The following SLC38A2 variants were observed in gnomAD, a reference collection of about 807,000 sequenced individuals.
SLC38A2 encodes solute carrier family 38 member 2, also known as sodium-coupled neutral amino acid symporter 2.
Under a neutral mutation model 61.5 loss-of-function variants are expected in SLC38A2, and 11 were observed. The ratio of observed to expected loss-of-function variants is 0.18; its 90% CI spans 0.11 to 0.30. SLC38A2 has a LOEUF of 0.30. SLC38A2 is among the 10% of genes least tolerant of loss of function. The pLI is 1.00. For synonymous variants in SLC38A2, 217 were observed against 212.5 expected (o/e 1.02, Z -0.18); for missense variants, 522 against 600.4 (o/e 0.87, Z 1.36).
intron 4 of SLC38A2, among the ~76,000 whole-genome samples, chr12:46,367,842 G>A (rs1392990061): frequency 6.6e-6 from 1 of 152,150 alleles, no homozygotes; most frequent in African/African-American, 2.4e-5. Context: ...CACAAAAACA[G>A]GAATGACAGG....
In SLC38A2 at chr12:46,370,621, C is replaced by G; in HGVS notation, c.205G>C (p.Gly69Arg). 6.2e-7 allele frequency: 1 copy of G among 1,611,584 alleles called. No homozygotes were observed. The highest frequency in any genetic ancestry group is 8.5e-7 in the Non-Finnish European group (1 of 1,177,684). Residue 69 changes from glycine (G) to arginine (R), a missense_variant, in exon 4 of 16, where the codon GGT (glycine) becomes CGT (arginine). Physicochemically the swap from Gly to Arg is moderately radical, Grantham distance 125. Around this residue, in one of 3 missense-constraint regions of SLC38A2, gnomAD observed 102 missense variants for 83.1 expected, o/e 1.23. Transcript: ENST00000256689. The part of the protein sequence containing the change: ...KKKYETEFHP[G>R]TTSFGMSVFN... The stretch of plus-strand genomic sequence containing the variant: ...ACTGACATTCCAAAGGAAGTAGTAC[C>G]TGGATGCTACATAGAGGGAAAACGA...
chr12:46,371,600 G>A (rs1943202227), intron 1 of SLC38A2: 3 of 350,606 alleles, frequency 8.6e-6, no homozygotes, highest in Non-Finnish European at 1.6e-5. Flanking sequence ...CGGCCGTCGA[G>A]GCCCCCTACT....
At position 46,363,077 on chromosome 12, in the gene SLC38A2, C is replaced by T; in HGVS notation, c.1123G>A (p.Val375Ile). The part of the protein sequence containing the change: ...ILGTDILLLI[V>I]RLAVLMAVTL... ...ACAGCCATTAACACAGCCAGACGGA[C>T]AATGAGAAGAAGAATATCAGTTCCC... The change falls in exon 13 of 16, where the codon GTC becomes ATC. Residue 375 changes from valine (V) to isoleucine (I), a missense_variant. Physicochemically the swap from Val to Ile is conservative, Grantham distance 29. Transcript: ENST00000256689. 1 of 1,612,990 alleles carries T rather than the reference C, an allele frequency of 6.2e-7. No homozygotes were observed. The highest frequency in any genetic ancestry group is 8.5e-7 in the Non-Finnish European group (1 of 1,179,238).
At position 46,371,203 on chromosome 12, in the gene SLC38A2, G is replaced by C. The variant is rs141905866; in HGVS notation, c.91C>G (p.Pro31Ala). 2 of 1,614,080 alleles carry C rather than the reference G, an allele frequency of 1.2e-6. No individual in the cohort carries two copies. Among genetic ancestry groups the C allele is most frequent in the African/African-American group, 1.3e-5 (1 of 74,928 alleles). The change falls in exon 2 of 16, where the codon CCC (proline) becomes GCC (alanine). Residue 31 changes from proline (P) to alanine (A), a missense_variant. Pro to Ala is a conservative substitution (Grantham distance 27). Around this residue, in one of 3 missense-constraint regions of SLC38A2, gnomAD observed 102 missense variants for 83.1 expected, o/e 1.23. Coordinates refer to ENST00000256689, the MANE Select transcript of SLC38A2 (RefSeq NM_018976.5). ...CTTTTCAGAGCAGCTTGCTTGGTGG[G>C]GTAGGAGTAGTTGAAGTCGCTGTTG... The part of the protein sequence containing the change: ...SSNSDFNYSY[P>A]TKQAALKSHY...
chr12:46,361,242 G>C (rs1164326925), intron 15 of SLC38A2, 33 bp from the exon 16 acceptor site: 5 of 1,539,670 alleles, frequency 3.2e-6, no homozygotes, highest in Non-Finnish European at 4.5e-6. Context: ...TGATCAGCAA[G>C]TAATAAAACA....
At chr12:46,371,896 G>A (rs991115444) in intron 1 of SLC38A2, among the ~76,000 whole-genome samples, 10 of 152,222 alleles carry the variant, frequency 6.6e-5, no homozygotes, top group African/African-American at 1.2e-4. Context: ...GGAAAGGGCC[G>A]ACACTACTCC....
rs945566042 is a variant in SLC38A2 at position 46,366,795 on chromosome 12, T to C, written c.563+69A>G. On this transcript the variant is annotated intron_variant, in intron 7 of 15. Coordinates refer to ENST00000256689, the MANE Select transcript of SLC38A2 (RefSeq NM_018976.5). ...TTAACTAATCATTTTGTATACAACT[T>C]TGATAAAAATGTATCTAACCACTTT... 2.9e-6 allele frequency: 4 copies of C among 1,375,126 alleles called. No individual in the cohort carries two copies. The African/African-American group carries it at 5.8e-5, about 20-fold the overall frequency. The allele number at this position is 1,375,126 out of a possible 1,614,324, so 85.2% of individuals were successfully genotyped here. A position where few individuals can be genotyped will look rare whatever the true frequency, so the allele number is the denominator to read the frequency against.
intron 1 of SLC38A2, chr12:46,371,674 G>A: frequency 4.4e-6 from 1 of 227,632 alleles, no homozygotes; most frequent in Non-Finnish European, 8.6e-6. Flanking sequence ...GGCGAGGGGG[G>A]GTTCTGTTTT....
chr12:46,362,752 G>GT, intron 13 of SLC38A2, 114 bp from the exon 14 acceptor site: 1 of 999,366 alleles, frequency 1.0e-6, no homozygotes, highest in Non-Finnish European at 1.3e-6. Flanking sequence ...ATCCAAAATA[G>GT]TAACTATTTC....
chr12:46,371,017 C>T (rs1943190821), intron 2 of SLC38A2, 160 bp from the exon 3 acceptor site: 1 of 824,494 alleles, frequency 1.2e-6, no homozygotes, highest in East Asian at 2.6e-5. Context: ...TTCACACCAG[C>T]TATCTTGTCA....
chr12:46,365,313 GA>G (rs1943128599), intron 7 of SLC38A2, 124 bp from the exon 8 acceptor site: 1 of 810,460 alleles, frequency 1.2e-6, no homozygotes, highest in Non-Finnish European at 2.0e-6. Context: ...GACATGTTTG[GA>G]AAAAGTTTCC....
Position 46,365,209 on chromosome 12 carries a change from G to A in SLC38A2, c.564-20C>T, listed in dbSNP as rs1373197186. 1 of 1,584,762 alleles carries A rather than the reference G, an allele frequency of 6.3e-7. No homozygotes were observed. Among genetic ancestry groups the A allele is most frequent in the Admixed American group, 1.7e-5 (1 of 59,834 alleles). On this transcript the variant is annotated intron_variant, in intron 7 of 15. Coordinates refer to ENST00000256689, the MANE Select transcript of SLC38A2 (RefSeq NM_018976.5). ...CACAATCTAAAGAAAACAGAAACAA[G>A]GTCAAAACAGTCACAAATATCCTCT...
At chr12:46,371,597 C>T (rs1006250776) in intron 1 of SLC38A2, 4 of 351,368 alleles carry the variant, frequency 1.1e-5, no homozygotes, top group African/African-American at 6.7e-5. Context: ...TTGCGGCCGT[C>T]GAGGCCCCCT....
rs755371360 is a variant in SLC38A2, at chr12:46,371,172, T to C, written c.116+6A>G. On this transcript the variant is annotated splice_donor_region_variant and intron_variant, in intron 2 of 15. Transcript: ENST00000256689. ...GTTTTTTCAAAAGTGTCACAACTTC[T>C]CCCACCTTTTCAGAGCAGCTTGCTT... 7.4e-6 allele frequency: 12 copies of C among 1,613,418 alleles called. No homozygotes were observed. In the South Asian group the frequency reaches 1.1e-4, roughly 15 times the overall value.
chr12:46,364,671 C>G lies in SLC38A2; in HGVS notation c.678G>C (p.Leu226Phe). 3 of 1,610,388 alleles carry G rather than the reference C, an allele frequency of 1.9e-6. No individual in the cohort carries two copies. ...CAATCAGAAAGAACACCATACACAA[C>G]AAGGAAAGGCCACTGGTATATCCCA... Reference protein sequence around the residue: ...GYLGYTSGLSLLCMVFFLIVV... With the variant: ...GYLGYTSGLSFLCMVFFLIVV... Residue 226 changes from leucine to phenylalanine, a missense_variant, in exon 9 of 16, where the codon TTG (leucine) becomes TTC (phenylalanine). Leu to Phe is a conservative substitution (Grantham distance 22). Around this residue, in one of 3 missense-constraint regions of SLC38A2, gnomAD observed 309 missense variants for 343.9 expected, o/e 0.90. Transcript: ENST00000256689.
At chr12:46,367,674 A>G (rs1403506259) in intron 4 of SLC38A2, among the ~76,000 whole-genome samples, 2 of 152,228 alleles carry the variant, frequency 1.3e-5, no homozygotes, top group African/African-American at 4.8e-5. Flanking sequence ...CTGGCACCAC[A>G]ATAATGAGCT....
chr12:46,366,522 G>A (rs764513950), intron 7 of SLC38A2, among the ~76,000 whole-genome samples: 3 of 152,044 alleles, frequency 2.0e-5, no homozygotes, highest in Admixed American at 2.0e-4. Context: ...AAAATAAGAC[G>A]GATTAATTTT....
At chr12:46,371,153 T>C (rs1943192720) in intron 2 of SLC38A2, 25 bp downstream of exon 2, 1 of 1,608,346 alleles carries the variant, frequency 6.2e-7, no homozygotes, top group East Asian at 2.2e-5. Context: ...AGCCGTTTTT[T>C]CAAAAGTGTC....
chr12:46,367,003 A>T (rs1343284974), intron 6 of SLC38A2, 58 bp from the exon 7 acceptor site: 1 of 1,599,318 alleles, frequency 6.3e-7, no homozygotes, highest in East Asian at 2.2e-5. Flanking sequence ...TGACACTAAA[A>T]CGCATGTGTC....
Sources: allele counts gnomAD v4.1 joint callset (sites outside exome capture counted in the v4.1 genomes callset), GRCh38; gene constraint gnomAD v4.1.1; regional missense constraint gnomAD v4.1.1; transcripts MANE v1.5; gene names NCBI Gene and HGNC (gene_info 2026-07-23, HGNC 2026-07-21).